Variants in FILIP1L observed in about 807,000 individuals in gnomAD.
The protein encoded by FILIP1L is filamin A-interacting protein 1-like.
FILIP1L carries 55 observed loss-of-function variants against 96.6 expected under a neutral mutation model. The observed-to-expected ratio is 0.57, with a 90% CI of 0.46 to 0.71. FILIP1L has a LOEUF of 0.71. Among genes scored for constraint, FILIP1L ranks in the 30% least tolerant of loss-of-function variants. The pLI is 0.00. For synonymous variants in FILIP1L, 467 were observed against 473.9 expected, an observed-to-expected ratio of 0.99 and a Z score of 0.19; for missense variants, 1,304 against 1,321.2, an observed-to-expected ratio of 0.99 and a Z score of 0.20.
intron 1 of FILIP1L, among the ~76,000 whole-genome samples, chr3:100,020,314 T>C (rs2064784646): frequency 6.6e-6 from 1 of 152,198 alleles, no homozygotes; most frequent in Admixed American, 6.5e-5. Context: ...TAGGACTTGG[T>C]GCCATGGTTT....
In FILIP1L at chr3:99,896,772, G is replaced by C. The variant is rs9868303; in HGVS notation, c.605+27458C>G. Among the ~76,000 whole-genome samples the C allele has an allele frequency of 5.0e-3, 765 of 152,254 alleles. 6 individuals are homozygous for C. Among genetic ancestry groups the C allele is most frequent in the African/African-American group, 0.017 (720 of 41,528 alleles). On this transcript the variant is annotated intron_variant, in intron 4 of 5. Transcript: ENST00000477258. ...GATTCTATAAGGTTCCAGAGGACTA[G>C]GGTTTAACGGTTTTTGTTCCACAAT...
chr3:99,973,930 T>C (rs912960729), intron 1 of FILIP1L, among the ~76,000 whole-genome samples: 2 of 152,226 alleles, frequency 1.3e-5, no homozygotes, highest in Admixed American at 1.3e-4. Context: ...AGATCTTGCA[T>C]TGTTTTCTGT....
At chr3:100,052,430 G>A (rs111534178) in intron 1 of FILIP1L, among the ~76,000 whole-genome samples, 2,901 of 152,254 alleles carry the variant, frequency 0.019, 87 homozygotes, top group African/African-American at 0.066. Context: ...TGGTGTATCC[G>A]TGTGCATGTC....
rs1032378475 is a variant in FILIP1L, at chr3:99,850,613, T to C, written c.1063A>G (p.Lys355Glu). The C allele has an allele frequency of 8.1e-6, 13 of 1,613,866 alleles. No homozygotes were observed. In the African/African-American group the frequency reaches 1.6e-4, roughly 20 times the overall value. The change falls in exon 5 of 6, where the codon AAA (lysine) becomes GAA (glutamate). Residue 355 changes from lysine (K) to glutamate (E), a missense_variant. Physicochemically the swap from Lys to Glu is moderately conservative, Grantham distance 56. Coordinates refer to ENST00000477258, the MANE Select transcript of FILIP1L (RefSeq NM_001387850.1). ...RKAEEELQDI[K>E]EKISKGEYGN... ...TATTCTCCCTTACTGATTTTTTCTT[T>C]TATATCTTGCAGCTCCTCTTCTGCT...
intron 4 of FILIP1L, among the ~76,000 whole-genome samples, chr3:99,916,300 T>A (rs1338021866): frequency 6.6e-6 from 1 of 152,182 alleles, no homozygotes; most frequent in African/African-American, 2.4e-5. Flanking sequence ...GAATAGAATC[T>A]ACACCATTGA....
chr3:100,112,312 G>A (rs2066505534), intron 1 of FILIP1L, among the ~76,000 whole-genome samples: 1 of 152,136 alleles, frequency 6.6e-6, no homozygotes, highest in South Asian at 2.1e-4. Context: ...GTAATCAGAA[G>A]AAAAGAAGAT....
rs530314825 is a variant in FILIP1L at position 99,841,903 on chromosome 3, G to A, written c.3381+6392C>T. Among the ~76,000 whole-genome samples the A allele has an allele frequency of 5.3e-5, 8 of 152,254 alleles. No individual in the cohort carries two copies. The South Asian group carries it at 1.0e-3, about 20-fold the overall frequency. On this transcript the variant is annotated intron_variant, in intron 5 of 5. Coordinates refer to ENST00000477258, the MANE Select transcript of FILIP1L (RefSeq NM_001387850.1). ...TGTTGGTGAGAATGTAAACTAGTAC[G>A]AGCATGGAAAACAGTGTGGAGATTC...
At chr3:100,042,515 CTTGTA>C (rs1458157227) in intron 1 of FILIP1L, among the ~76,000 whole-genome samples, 1 of 152,122 alleles carries the variant, frequency 6.6e-6, no homozygotes, top group East Asian at 1.9e-4. Flanking sequence ...ATATCAGGCT[CTTGTA>C]TTATTTTATT....
chr3:100,053,232 T>C (rs535835985), intron 1 of FILIP1L, among the ~76,000 whole-genome samples: 48 of 152,320 alleles, frequency 3.2e-4, no homozygotes, highest in African/African-American at 1.2e-3. Context: ...CATAACAGAT[T>C]ACCACAAATT....
At chr3:100,009,412 A>G (rs1710079198) in intron 1 of FILIP1L, among the ~76,000 whole-genome samples, 1 of 152,214 alleles carries the variant, frequency 6.6e-6, no homozygotes, top group Admixed American at 6.5e-5. Context: ...CCTGTTAGCA[A>G]CCTGAGCAGT....
intron 4 of FILIP1L, among the ~76,000 whole-genome samples, chr3:99,905,918 C>T (rs930840642): frequency 6.6e-6 from 1 of 152,194 alleles, no homozygotes; most frequent in Non-Finnish European, 1.5e-5. Context: ...TCTGGCCAGG[C>T]GCAGTGGCTC....
intron 4 of FILIP1L, chr3:99,898,455 A>G (rs1422972346): frequency 1.3e-5 from 2 of 152,196 alleles, no homozygotes; most frequent in African/African-American, 4.8e-5. Flanking sequence ...TATGACATGC[A>G]CCCACTCACA....
At chr3:99,928,213 A>G (rs1396174767) in intron 3 of FILIP1L, among the ~76,000 whole-genome samples, 18 of 152,248 alleles carry the variant, frequency 1.2e-4, no homozygotes. Flanking sequence ...AATCCTAGGC[A>G]GAATTCCCCT....
At position 99,931,027 on chromosome 3, in the gene FILIP1L, A is replaced by C. The variant is rs1447803634; in HGVS notation, c.-7T>G. On this transcript the variant is annotated 5_prime_UTR_variant, in exon 2 of 6. Coordinates refer to ENST00000477258, the MANE Select transcript of FILIP1L (RefSeq NM_001387850.1). ...CACTGCCTCTGGAACGCATTCTTTA[A>C]AGCCTGGAAGGAGGGAAGAAAATTT... 1.9e-6 allele frequency: 3 copies of C among 1,611,398 alleles called. No individual in the cohort carries two copies. In the South Asian group the frequency reaches 3.3e-5, roughly 18 times the overall value.
intron 1 of FILIP1L, among the ~76,000 whole-genome samples, chr3:100,057,696 C>T (rs1446899825): frequency 6.6e-6 from 1 of 152,160 alleles, no homozygotes; most frequent in African/African-American, 2.4e-5. Flanking sequence ...AAGCCCCCTG[C>T]TTGCCCGGGT....
intron 1 of FILIP1L, among the ~76,000 whole-genome samples, chr3:99,977,973 A>G (rs754694718): frequency 4.6e-5 from 7 of 152,212 alleles, no homozygotes; most frequent in African/African-American, 1.4e-4. Flanking sequence ...GCAAATTATT[A>G]TGCCAGATGG....
At chr3:100,093,607 C>G (rs2066151597) in intron 1 of FILIP1L, among the ~76,000 whole-genome samples, 1 of 152,140 alleles carries the variant, frequency 6.6e-6, no homozygotes, top group Non-Finnish European at 1.5e-5. Context: ...AGTGGAATGT[C>G]ACAACCAGTA....
At chr3:100,015,593 C>A (rs2107211630) in intron 1 of FILIP1L, among the ~76,000 whole-genome samples, 1 of 152,280 alleles carries the variant, frequency 6.6e-6, no homozygotes, top group Non-Finnish European at 1.5e-5. Flanking sequence ...TTCTAGAATT[C>A]TGATGGTCCT....
At chr3:100,036,615 A>G (rs1286132946) in intron 1 of FILIP1L, among the ~76,000 whole-genome samples, 1 of 152,228 alleles carries the variant, frequency 6.6e-6, no homozygotes, top group Non-Finnish European at 1.5e-5. Flanking sequence ...GAAAACCACC[A>G]TTTTGCAGCC....
Sources: allele counts gnomAD v4.1 joint callset (sites outside exome capture counted in the v4.1 genomes callset), GRCh38; gene constraint gnomAD v4.1.1; transcripts MANE v1.5; gene names NCBI Gene and HGNC (gene_info 2026-07-23, HGNC 2026-07-21).